The following C21orf91 variants were observed in gnomAD, a reference collection of about 807,000 sequenced individuals.
The protein encoded by C21orf91 is chromosome 21 open reading frame 91.
In C21orf91, 26 loss-of-function variants were observed where a neutral mutation model predicts 32.9. The ratio of observed to expected loss-of-function variants is 0.79; its 90% CI spans 0.58 to 1.10. The LOEUF is 1.10. C21orf91 is among the 50% of genes least tolerant of loss of function. C21orf91 has a pLI of 0.00. For missense variants in C21orf91, 310 were observed against 341.3 expected (o/e 0.91, Z 0.72); for synonymous variants, 126 against 120.4 (o/e 1.05, Z -0.31).
At chr21:17,799,901 C>T (rs561632924) in intron 2 of C21orf91, among the ~76,000 whole-genome samples, 1 of 152,052 alleles carries the variant, frequency 6.6e-6, no homozygotes, top group African/African-American at 2.4e-5. Flanking sequence ...ACTCAAGGTC[C>T]CTTGCAAGGT....
At chr21:17,808,517 C>T (rs1438203599) in intron 2 of C21orf91, among the ~76,000 whole-genome samples, 3 of 152,202 alleles carry the variant, frequency 2.0e-5, no homozygotes, top group East Asian at 1.9e-4. Context: ...AGAGGGTCAC[C>T]GTCCTCCAGA....
chr21:17,794,958 G>A (rs952445897), intron 4 of C21orf91, among the ~76,000 whole-genome samples: 12 of 146,946 alleles, frequency 8.2e-5, no homozygotes, highest in South Asian at 2.2e-4. Context: ...TACTCGGGAG[G>A]ATCACCACTG....
At position 17,791,073 on chromosome 21, in the gene C21orf91, A is replaced by T. The variant is rs1426871601; in HGVS notation, c.*2342T>A. 1 of 137,826 alleles carries T rather than the reference A, an allele frequency of 7.3e-6. No homozygotes were observed. Among genetic ancestry groups the T allele is most frequent in the East Asian group, 2.2e-4 (1 of 4,542 alleles). The allele number at this position is 137,826 out of a possible 1,614,324, so 8.5% of individuals were successfully genotyped here. A position where few individuals can be genotyped will look rare whatever the true frequency, so the allele number is the denominator to read the frequency against. ...TTGTGATATTTCATGTTCTCTTGTT[A>T]GAACTCAACTCTGTACCTGATACTT... On this transcript the variant is annotated 3_prime_UTR_variant, in exon 5 of 5. Coordinates refer to ENST00000284881, the MANE Select transcript of C21orf91 (RefSeq NM_001100420.2).
chr21:17,789,644 T>C lies in C21orf91; in HGVS notation c.*3771A>G, dbSNP rs950110687. The C allele has an allele frequency of 2.0e-5, 3 of 152,128 alleles. No homozygotes were observed. The highest frequency in any genetic ancestry group is 2.0e-4 in the Admixed American group (3 of 15,280). The allele number at this position is 152,128 out of a possible 1,614,324, so 9.4% of individuals were successfully genotyped here. A position where few individuals can be genotyped will look rare whatever the true frequency, so the allele number is the denominator to read the frequency against. ...CTTGATATAATATGGTTCATATCAA[T>C]GTTACCATAGCCAGAAGTTGCTTAA... is the stretch of plus-strand genomic sequence containing the variant. On this transcript the variant is annotated 3_prime_UTR_variant, in exon 5 of 5. Transcript: ENST00000284881.
intron 2 of C21orf91, among the ~76,000 whole-genome samples, chr21:17,799,883 C>T (rs2062546977): frequency 6.6e-6 from 1 of 152,020 alleles, no homozygotes; most frequent in African/African-American, 2.4e-5. Context: ...AAAAACAAAT[C>T]AATTATCACT....
chr21:17,815,990 C>T (rs1256605210), intron 2 of C21orf91, among the ~76,000 whole-genome samples: 1 of 152,178 alleles, frequency 6.6e-6, no homozygotes, highest in East Asian at 1.9e-4. Flanking sequence ...AGTTGTAATA[C>T]ACTAGCTGAT....
intron 3 of C21orf91, among the ~76,000 whole-genome samples, chr21:17,796,017 A>G (rs2062515087): frequency 6.6e-6 from 1 of 152,220 alleles, no homozygotes; most frequent in Non-Finnish European, 1.5e-5. Context: ...TTTAGAATCA[A>G]GAAGTTGTAT....
intron 1 of C21orf91, chr21:17,818,841 A>T (rs893149760): frequency 1.3e-5 from 2 of 152,340 alleles, no homozygotes; most frequent in Non-Finnish European, 2.9e-5. Context: ...AGCAAAATGC[A>T]CGTGGGTACC....
rs368266262 is a variant in C21orf91, at chr21:17,797,122, T to C, written c.128-4A>G. On this transcript the variant is annotated splice_region_variant and splice_polypyrimidine_tract_variant and intron_variant, in intron 2 of 4. Coordinates refer to ENST00000284881, the MANE Select transcript of C21orf91 (RefSeq NM_001100420.2). ...AAGAGATCAGACTTTGGTACCCCTA[T>C]GGAAAAAAAAGAGAAACAAAAGACT... 5.8e-6 allele frequency: 9 copies of C among 1,548,108 alleles called. No individual in the cohort carries two copies. Among genetic ancestry groups the C allele is most frequent in the African/African-American group, 1.4e-5 (1 of 71,732 alleles).
rs757622075 is a variant in C21orf91 at position 17,818,368 on chromosome 21, C to G, written c.-7-43G>C. 1.9e-6 allele frequency: 3 copies of G among 1,555,854 alleles called. No individual in the cohort carries two copies. The East Asian group carries it at 6.9e-5, about 36-fold the overall frequency. ...AGGAAAGTTACACAATTTCATGAAC[C>G]TGCCTTTGGGGTAGTTCCCTTTACT... On this transcript the variant is annotated intron_variant, in intron 1 of 4. Transcript: ENST00000284881.
At position 17,796,747 on chromosome 21, in the gene C21orf91, T is replaced by C; in HGVS notation, c.499A>G (p.Asn167Asp). 6.2e-7 allele frequency: 1 copy of C among 1,614,182 alleles called. No individual in the cohort carries two copies. Among genetic ancestry groups the C allele is most frequent in the Non-Finnish European group, 8.5e-7 (1 of 1,180,016 alleles). Residue 167 changes from asparagine to aspartate, a missense_variant, in exon 3 of 5, where the codon AAT (asparagine) becomes GAT (aspartate). Coordinates refer to ENST00000284881, the MANE Select transcript of C21orf91 (RefSeq NM_001100420.2). ...CTQRILEQRENTDFGLSMLQD... is the reference protein window; with the variant it reads ...CTQRILEQREDTDFGLSMLQD... ...AACATAGAAAGTCCAAAGTCTGTAT[T>C]TTCCCTCTGCTCCAAAATTCTTTGT...
chr21:17,797,178 A>G lies in C21orf91; in HGVS notation c.128-60T>C, dbSNP rs542207231. Reference sequence around the variant, plus strand: ...AATTTTGTTTTCTATAAGTCACTTTAAGAACATACAAATCTTAGTAAAATC... The same window carrying G: ...AATTTTGTTTTCTATAAGTCACTTTGAGAACATACAAATCTTAGTAAAATC... On this transcript the variant is annotated intron_variant, in intron 2 of 4. Transcript: ENST00000284881. 4 of 1,064,602 alleles carry G rather than the reference A, an allele frequency of 3.8e-6. No individual in the cohort carries two copies. The African/African-American group carries it at 4.7e-5, about 13-fold the overall frequency. The allele number at this position is 1,064,602 out of a possible 1,614,324, so 65.9% of individuals were successfully genotyped here.
At chr21:17,810,363 G>C (rs567636109) in intron 2 of C21orf91, 29 of 152,160 alleles carry the variant, frequency 1.9e-4, no homozygotes, top group African/African-American at 7.0e-4. Context: ...TGTAAACAGA[G>C]GAACAGTATT....
intron 2 of C21orf91, among the ~76,000 whole-genome samples, chr21:17,799,492 C>T (rs1022122379): frequency 6.6e-6 from 1 of 152,166 alleles, no homozygotes; most frequent in African/African-American, 2.4e-5. Flanking sequence ...TCACTCCCCG[C>T]AATCCCAGAG....
rs912732309 is a variant in C21orf91 at position 17,793,289 on chromosome 21, C to T, written c.*126G>A. The T allele has an allele frequency of 1.7e-5, 10 of 579,884 alleles. No homozygotes were observed. Among genetic ancestry groups the T allele is most frequent in the Non-Finnish European group, 3.0e-5 (10 of 337,670 alleles). 35.9% of individuals were successfully genotyped at this position (579,884 alleles called of 1,614,324 possible). On this transcript the variant is annotated 3_prime_UTR_variant, in exon 5 of 5. Coordinates refer to ENST00000284881, the MANE Select transcript of C21orf91 (RefSeq NM_001100420.2). Reference sequence around the variant, plus strand: ...CTTTATTTGACAAAGATGTTAAATACTGCCTTATGTTTGGCAAATTTAATG... The same window carrying T: ...CTTTATTTGACAAAGATGTTAAATATTGCCTTATGTTTGGCAAATTTAATG...
chr21:17,807,235 C>G (rs2062602679), intron 2 of C21orf91, among the ~76,000 whole-genome samples: 2 of 152,130 alleles, frequency 1.3e-5, no homozygotes, highest in South Asian at 2.1e-4. Context: ...AAACTTCCCC[C>G]CTTGCTGTTC....
In C21orf91 at chr21:17,792,950, A is replaced by G. The variant is rs1039994897; in HGVS notation, c.*465T>C. The G allele has an allele frequency of 6.6e-6, 1 of 152,534 alleles. No individual in the cohort carries two copies. Among genetic ancestry groups the G allele is most frequent in the Non-Finnish European group, 1.5e-5 (1 of 68,010 alleles). The allele number at this position is 152,534 out of a possible 1,614,324, so 9.4% of individuals were successfully genotyped here. ...AATAAATATACAGAACCACTCAAAT[A>G]CACATTTATAAAGAGAATGGCAAAG... On this transcript the variant is annotated 3_prime_UTR_variant, in exon 5 of 5. Coordinates refer to ENST00000284881, the MANE Select transcript of C21orf91 (RefSeq NM_001100420.2).
At chr21:17,793,735 A>C (rs1193291578) in intron 4 of C21orf91, among the ~76,000 whole-genome samples, 154 bp from the exon 5 acceptor site, 1 of 152,246 alleles carries the variant, frequency 6.6e-6, no homozygotes, top group Non-Finnish European at 1.5e-5. Flanking sequence ...TCTACAAAGC[A>C]TATCAGTTCT....
chr21:17,818,191 C>G lies in C21orf91; in HGVS notation c.127+1G>C. 6.2e-7 allele frequency: 1 copy of G among 1,607,392 alleles called. No homozygotes were observed. Among genetic ancestry groups the G allele is most frequent in the Middle Eastern group, 1.7e-4 (1 of 6,028 alleles). On this transcript the variant is annotated splice_donor_variant, in intron 2 of 4. Coordinates refer to ENST00000284881, the MANE Select transcript of C21orf91 (RefSeq NM_001100420.2). LOFTEE classifies it high-confidence loss of function. ...AGATCAAAACTATACTGTGTCCTTA[C>G]CCTCAATATTTAGCTCAAAACAAAT... is the stretch of plus-strand genomic sequence containing the variant.
Sources: gnomAD v4.1 joint callset for allele counts (sites outside exome capture counted in the v4.1 genomes callset) on GRCh38, gnomAD v4.1.1 for gene constraint, MANE v1.5 for transcripts, NCBI Gene and HGNC (gene_info 2026-07-23, HGNC 2026-07-21) for gene names.